Variants in PROX2 observed in about 807,000 individuals in gnomAD.
The protein encoded by PROX2 is prospero homeobox protein 2.
Under a neutral mutation model 48.9 loss-of-function variants are expected in PROX2, and 46 were observed. That is an observed-to-expected ratio of 0.94 (90% CI 0.74 to 1.20). The LOEUF (loss-of-function observed/expected upper bound fraction) is 1.20, where lower values mean the gene tolerates loss of function less well. Ranked by LOEUF, PROX2 falls within the 50% of genes most tolerant of loss-of-function variation. The probability of loss-of-function intolerance (pLI) is 0.00; values close to 1 mark genes in which losing one functional copy is unlikely to be tolerated. For synonymous variants in PROX2, 260 were observed against 276.6 expected, an observed-to-expected ratio of 0.94 and a Z score of 0.60; for missense variants, 663 against 719.4, an observed-to-expected ratio of 0.92 and a Z score of 0.90.
At chr14:74,867,166 T>C (rs1469909289) in intron 2 of PROX2, among the ~76,000 whole-genome samples, 1 of 152,212 alleles carries the variant, frequency 6.6e-6, no homozygotes, top group African/African-American at 2.4e-5. Context: ...TGCCCCTCTA[T>C]GGAATCAAAG....
chr14:74,862,427 C>T, intron 3 of PROX2, 103 bp downstream of exon 3: 2 of 1,360,776 alleles, frequency 1.5e-6, no homozygotes, highest in Non-Finnish European at 2.0e-6. Context: ...CACCTGTCCT[C>T]AAGTAATCCT....
intron 1 of PROX2, among the ~76,000 whole-genome samples, chr14:74,872,525 T>C (rs1667031600): frequency 1.3e-5 from 2 of 152,188 alleles, no homozygotes; most frequent in Admixed American, 1.3e-4. Context: ...ATCACATCTG[T>C]ATATGAATAC....
chr14:74,858,666 G>A, intron 3 of PROX2, 152 bp from the exon 4 acceptor site: 1 of 581,730 alleles, frequency 1.7e-6, no homozygotes, highest in Non-Finnish European at 3.1e-6. Context: ...TGGAAACTCT[G>A]GTCAAATAAG....
At chr14:74,864,127 G>T (rs1015547415) in intron 2 of PROX2, 119 bp from the exon 3 acceptor site, 14 of 214,994 alleles carry the variant, frequency 6.5e-5, no homozygotes, top group Non-Finnish European at 8.1e-5. Context: ...CAGTAGATGT[G>T]GGGTGGGGCA....
rs1312759748 is a variant in PROX2, at chr14:74,855,036, C to G, written c.*96G>C. 1.3e-6 allele frequency: 1 copy of G among 779,560 alleles called. No homozygotes were observed. The highest frequency in any genetic ancestry group is 1.8e-5 in the African/African-American group (1 of 57,004). The allele number at this position is 779,560 out of a possible 1,614,324, so 48.3% of individuals were successfully genotyped here. A position where few individuals can be genotyped will look rare whatever the true frequency, so the allele number is the denominator to read the frequency against. ...TTGATAGAGGAGATTTCCTTGTGCC[C>G]TTTTTATATGACTACAGCTAAATTG... On this transcript the variant is annotated 3_prime_UTR_variant, in exon 6 of 6. Transcript: ENST00000556489.
chr14:74,863,405 T>C lies in PROX2; in HGVS notation c.430A>G (p.Arg144Gly), dbSNP rs767956938. 1 of 1,613,640 alleles carries C rather than the reference T, an allele frequency of 6.2e-7. No individual in the cohort carries two copies. Among genetic ancestry groups the C allele is most frequent in the Non-Finnish European group, 8.5e-7 (1 of 1,179,672 alleles). Reference sequence around the variant, plus strand: ...TGTAGGATGTGCTCTTGCAGATGTCTTAGCTGTTGCTTCAGCAGATGAAGT... The same window carrying C: ...TGTAGGATGTGCTCTTGCAGATGTCCTAGCTGTTGCTTCAGCAGATGAAGT... ...EQLHLLKQQLRHLQEHILQAA... is the reference protein window; with the variant it reads ...EQLHLLKQQLGHLQEHILQAA... Residue 144 changes from arginine to glycine, a missense_variant, in exon 3 of 6, where the codon AGA becomes GGA. Coordinates refer to ENST00000556489, the MANE Select transcript of PROX2 (RefSeq NM_001243007.2).
intron 2 of PROX2, among the ~76,000 whole-genome samples, chr14:74,870,855 C>A (rs952988757): frequency 8.5e-5 from 13 of 152,132 alleles, no homozygotes; most frequent in Admixed American, 5.9e-4. Flanking sequence ...GTCTGGCCAA[C>A]ATGGTGAAAC....
Position 74,873,229 on chromosome 14 carries a change from C to T in PROX2, c.-309-1992G>A, listed in dbSNP as rs192771307. The stretch of plus-strand genomic sequence containing the variant: ...CAATCTCCTGATCTCATGATCTGCC[C>T]GCCTTGGCCTCCCAAAATGCTGGAA... On this transcript the variant is annotated intron_variant, in intron 1 of 5. Coordinates refer to ENST00000556489, the MANE Select transcript of PROX2 (RefSeq NM_001243007.2). Among the ~76,000 whole-genome samples the T allele has an allele frequency of 4.5e-4, 69 of 152,276 alleles. No homozygotes were observed. In the East Asian group the frequency reaches 0.013, roughly 29 times the overall value.
intron 1 of PROX2, among the ~76,000 whole-genome samples, chr14:74,872,217 T>C (rs1883232997): frequency 2.0e-5 from 3 of 152,260 alleles, no homozygotes; most frequent in Non-Finnish European, 4.4e-5. Flanking sequence ...TTCTCATCAC[T>C]GTCATTGAAG....
rs746057398 is a variant in PROX2, at chr14:74,855,149, A to G, written c.1762T>C (p.Ser588Pro). Residue 588 changes from serine to proline, a missense_variant, in exon 6 of 6, where the codon TCC becomes CCC. Coordinates refer to ENST00000556489, the MANE Select transcript of PROX2 (RefSeq NM_001243007.2). The part of the protein sequence containing the change: ...DSDIPEIFKS[S>P]SYPQ ...CGAAACAGCTACTGGGGATAGCTGG[A>G]AGATTTGAATATCTCTGGGATGTCA... The G allele has an allele frequency of 6.4e-7, 1 of 1,563,380 alleles. No individual in the cohort carries two copies. Among genetic ancestry groups the G allele is most frequent in the Admixed American group, 1.7e-5 (1 of 58,378 alleles).
Position 74,863,827 on chromosome 14 carries a change from G to A in PROX2, c.8C>T (p.Pro3Leu), listed in dbSNP as rs1213503439. Reference sequence around the variant, plus strand: ...CTGAGGAGAAAGCAAGATGGAGTTTGGATCCATCCCAGGCACTTGTTCAGG... The same window carrying A: ...CTGAGGAGAAAGCAAGATGGAGTTTAGATCCATCCCAGGCACTTGTTCAGG... MD[P>L]NSILLSPQPQ... Residue 3 changes from proline to leucine, a missense_variant, in exon 3 of 6, where the codon CCA (proline) becomes CTA (leucine). By Grantham distance (98) the Pro-to-Leu change is moderately conservative. Transcript: ENST00000556489. The A allele has an allele frequency of 6.7e-7, 1 of 1,499,794 alleles. No individual in the cohort carries two copies. Among genetic ancestry groups the A allele is most frequent in the Non-Finnish European group, 8.9e-7 (1 of 1,129,656 alleles). 92.9% of individuals were successfully genotyped at this position (1,499,794 alleles called of 1,614,324 possible).
chr14:74,864,898 C>G (rs777054490), intron 2 of PROX2, among the ~76,000 whole-genome samples: 3 of 150,774 alleles, frequency 2.0e-5, no homozygotes, highest in Non-Finnish European at 2.9e-5. Flanking sequence ...AATCCCAGCA[C>G]TTTGGGAGGC....
chr14:74,859,267 CTCTT>C (rs2091776741), intron 3 of PROX2: 1 of 152,236 alleles, frequency 6.6e-6, no homozygotes. Context: ...GCTATGAAGA[CTCTT>C]TGTACAAACT....
chr14:74,860,023 G>A (rs143089455), intron 3 of PROX2, among the ~76,000 whole-genome samples: 197 of 152,306 alleles, frequency 1.3e-3, no homozygotes, highest in Middle Eastern at 3.4e-3. Context: ...ATCAGATCCC[G>A]GGTTTAAATC....
At chr14:74,858,843 TGTGTGTGTG>T (rs1426915701) in intron 3 of PROX2, 15 of 25,364 alleles carry the variant, frequency 5.9e-4, no homozygotes, top group African/African-American at 1.8e-3. Context: ...GTTGGTGTAT[TGTGTGTGTG>T]TGTGTGTGTG....
At chr14:74,872,295 T>A (rs954096973) in intron 1 of PROX2, among the ~76,000 whole-genome samples, 1 of 152,218 alleles carries the variant, frequency 6.6e-6, no homozygotes, top group African/African-American at 2.4e-5. Flanking sequence ...TGGTTTTTGT[T>A]GGGAAAACAT....
At chr14:74,866,900 G>C (rs1883080829) in intron 2 of PROX2, among the ~76,000 whole-genome samples, 1 of 152,168 alleles carries the variant, frequency 6.6e-6, no homozygotes, top group South Asian at 2.1e-4. Flanking sequence ...GTAGGCAAGA[G>C]GGGGAGAATT....
rs1258913772 is a variant in PROX2, at chr14:74,858,414, T to C, written c.1406A>G (p.Asp469Gly). The C allele has an allele frequency of 6.4e-7, 1 of 1,564,788 alleles. No homozygotes were observed. The highest frequency in any genetic ancestry group is 1.4e-5 in the African/African-American group (1 of 74,034). Residue 469 changes from aspartate to glycine, a missense_variant, in exon 4 of 6, where the codon GAT (aspartate) becomes GGT (glycine). Asp to Gly is a moderately conservative substitution (Grantham distance 94). Coordinates refer to ENST00000556489, the MANE Select transcript of PROX2 (RefSeq NM_001243007.2). ...SSNLLKVYFP[D>G]VQFNRCITSQ... is the part of the protein sequence containing the mutation. ...TTAGTTGAGTGACTTTACCTGAACATCAGGAAAATAAACCTTCAGGAGGTT... is the reference window on the plus strand; with the variant it reads ...TTAGTTGAGTGACTTTACCTGAACACCAGGAAAATAAACCTTCAGGAGGTT...
intron 2 of PROX2, among the ~76,000 whole-genome samples, chr14:74,870,439 A>ATACACACACACACACACACACAC (rs1555371979): frequency 4.3e-4 from 13 of 29,944 alleles, no homozygotes; most frequent in African/African-American, 2.4e-3. Context: ...AAAAAAAAAA[A>ATACACACACACACACACACACAC]ATACACACAC....
Sources: gnomAD v4.1 joint callset for allele counts (sites outside exome capture counted in the v4.1 genomes callset) on GRCh38, gnomAD v4.1.1 for gene constraint, MANE v1.5 for transcripts, NCBI Gene and HGNC (gene_info 2026-07-23, HGNC 2026-07-21) for gene names.